NTM: variants seen among roughly 807,000 people sequenced by gnomAD.
NTM encodes IgLON family member 2.
NTM carries 13 observed loss-of-function variants against 42.1 expected under a neutral mutation model. The ratio of observed to expected loss-of-function variants is 0.31; its 90% CI spans 0.20 to 0.49. NTM has a LOEUF of 0.49. Ranked by LOEUF, NTM falls within the 20% of genes least tolerant of loss-of-function variation. The pLI is 0.99. For missense variants in NTM, 373 were observed against 452.8 expected (o/e 0.82, Z 1.60); for synonymous variants, 187 against 179.2 (o/e 1.04, Z -0.35).
At chr11:132,074,059 T>A (rs1209012552) in intron 2 of NTM, among the ~76,000 whole-genome samples, 3 of 152,192 alleles carry the variant, frequency 2.0e-5, no homozygotes, top group Non-Finnish European at 2.9e-5. Flanking sequence ...ACAGAAAGAT[T>A]TATCTCTCAG....
At chr11:131,572,580 C>T (rs947486813) in intron 1 of NTM, among the ~76,000 whole-genome samples, 5 of 152,076 alleles carry the variant, frequency 3.3e-5, no homozygotes, top group African/African-American at 9.7e-5. Flanking sequence ...TTCTCTTTCC[C>T]TTGGATGACT....
chr11:132,059,478 T>C (rs1438044035), intron 2 of NTM, among the ~76,000 whole-genome samples: 2 of 152,204 alleles, frequency 1.3e-5, no homozygotes, highest in East Asian at 1.9e-4. Context: ...GATTGACACA[T>C]TCTTTGTATT....
chr11:131,709,772 T>C (rs1753219196), intron 1 of NTM, among the ~76,000 whole-genome samples: 1 of 152,062 alleles, frequency 6.6e-6, no homozygotes, highest in Admixed American at 6.6e-5. Flanking sequence ...GATCCTAAAA[T>C]GGAGCGAATA....
At chr11:131,715,541 C>T (rs1271949995) in intron 1 of NTM, among the ~76,000 whole-genome samples, 3 of 152,154 alleles carry the variant, frequency 2.0e-5, no homozygotes, top group Admixed American at 6.5e-5. Context: ...TTTGACATTT[C>T]GTGCACATTT....
At chr11:131,610,601 T>A (rs2061388366) in intron 1 of NTM, among the ~76,000 whole-genome samples, 1 of 152,182 alleles carries the variant, frequency 6.6e-6, no homozygotes, top group Non-Finnish European at 1.5e-5. Context: ...GAGTAGATGA[T>A]AACCTGACTT....
intron 1 of NTM, among the ~76,000 whole-genome samples, chr11:131,788,300 T>C (rs529778136): frequency 6.6e-6 from 1 of 152,240 alleles, no homozygotes; most frequent in African/African-American, 2.4e-5. Flanking sequence ...CTCTTTCCCA[T>C]TATAATTATT....
intron 1 of NTM, among the ~76,000 whole-genome samples, chr11:131,787,478 TG>T (rs1398164406): frequency 1.3e-4 from 19 of 151,620 alleles, no homozygotes; most frequent in African/African-American, 4.6e-4. Flanking sequence ...CTCCTCCTCC[TG>T]GGTTCAAGCG....
chr11:132,216,499 A>C (rs1233177243), intron 4 of NTM, among the ~76,000 whole-genome samples: 1 of 152,198 alleles, frequency 6.6e-6, no homozygotes, highest in Non-Finnish European at 1.5e-5. Flanking sequence ...GACACTGACA[A>C]TAAAAACCTC....
intron 4 of NTM, among the ~76,000 whole-genome samples, chr11:132,289,166 G>A (rs1384447544): frequency 2.6e-5 from 4 of 152,178 alleles, no homozygotes; most frequent in African/African-American, 4.8e-5. Context: ...ACAATTCTCA[G>A]GGATGGTGTT....
At chr11:131,600,549 G>A (rs998274147) in intron 1 of NTM, among the ~76,000 whole-genome samples, 2 of 152,096 alleles carry the variant, frequency 1.3e-5, no homozygotes, top group Admixed American at 6.5e-5. Context: ...AACAAAAAGG[G>A]GATTTTAATT....
intron 2 of NTM, among the ~76,000 whole-genome samples, chr11:132,009,168 C>A (rs961844178): frequency 6.6e-6 from 1 of 152,202 alleles, no homozygotes; most frequent in Non-Finnish European, 1.5e-5. Context: ...AATTGGAAAC[C>A]TGCTTTTCTA....
At chr11:131,550,393 T>A (rs1252888189) in intron 1 of NTM, among the ~76,000 whole-genome samples, 27 of 152,226 alleles carry the variant, frequency 1.8e-4, no homozygotes, top group Non-Finnish European at 1.9e-4. Context: ...TCCCCAGTGT[T>A]GGAAGTGGGG....
intron 1 of NTM, among the ~76,000 whole-genome samples, chr11:131,873,327 CAG>C (rs76799515): frequency 0.021 from 3,140 of 149,794 alleles, 216 homozygotes; most frequent in East Asian, 0.2. Context: ...CACATGGACA[CAG>C]GGTAGGGAAC....
chr11:132,321,678 T>C (rs369936881), intron 7 of NTM, among the ~76,000 whole-genome samples: 3 of 151,480 alleles, frequency 2.0e-5, no homozygotes, highest in African/African-American at 2.4e-5. Context: ...ATACAGAGAA[T>C]GCCACAAAGA....
At chr11:132,052,770 T>C (rs972690388) in intron 2 of NTM, among the ~76,000 whole-genome samples, 3 of 129,674 alleles carry the variant, frequency 2.3e-5, no homozygotes, top group Admixed American at 8.1e-5. Flanking sequence ...TTTTCCAGGC[T>C]CACTGTGTGT....
chr11:131,421,836 G>T (rs1947565157), intron 1 of NTM, among the ~76,000 whole-genome samples: 1 of 152,164 alleles, frequency 6.6e-6, no homozygotes, highest in South Asian at 2.1e-4. Context: ...TACACATGAG[G>T]ATTTTCCTTT....
At chr11:131,967,174 G>A (rs1432917692) in intron 2 of NTM, among the ~76,000 whole-genome samples, 3 of 152,254 alleles carry the variant, frequency 2.0e-5, no homozygotes, top group East Asian at 1.9e-4. Context: ...AGGCTGGCAC[G>A]GAAGAGTGAT....
intron 2 of NTM, among the ~76,000 whole-genome samples, chr11:131,944,401 G>T (rs1355808916): frequency 6.6e-6 from 1 of 152,192 alleles, no homozygotes; most frequent in African/African-American, 2.4e-5. Flanking sequence ...GCTCAGGCAG[G>T]TCACTGCTTC....
At chr11:132,054,388 T>G (rs1440388764) in intron 2 of NTM, among the ~76,000 whole-genome samples, 1 of 152,236 alleles carries the variant, frequency 6.6e-6, no homozygotes, top group African/African-American at 2.4e-5. Context: ...AGCTGTAGAT[T>G]TAGCTATAAT....
Sources: gnomAD v4.1 joint callset for allele counts (sites outside exome capture counted in the v4.1 genomes callset) on GRCh38, gnomAD v4.1.1 for gene constraint, MANE v1.5 for transcripts, NCBI Gene and HGNC (gene_info 2026-07-23, HGNC 2026-07-21) for gene names.